The following SGMS1 variants were observed in gnomAD, a reference collection of about 807,000 sequenced individuals.
The protein encoded by SGMS1 is sphingomyelin synthase 1.
Under a neutral mutation model 46.2 loss-of-function variants are expected in SGMS1, and 13 were observed. The ratio of observed to expected loss-of-function variants is 0.28; its 90% CI spans 0.18 to 0.45. The LOEUF (loss-of-function observed/expected upper bound fraction) is 0.45. SGMS1 is among the 20% of genes least tolerant of loss of function. The pLI is 1.00. For synonymous variants in SGMS1, 203 were observed against 187.8 expected (o/e 1.08, Z -0.66); for missense variants, 324 against 519.9 (o/e 0.62, Z 3.66).
intron 2 of SGMS1, among the ~76,000 whole-genome samples, chr10:50,530,602 A>C (rs1193698171): frequency 6.6e-6 from 1 of 151,922 alleles, no homozygotes; most frequent in Non-Finnish European, 1.5e-5. Flanking sequence ...CTCCCGCCTC[A>C]GCCTCCCAAG....
intron 6 of SGMS1, among the ~76,000 whole-genome samples, chr10:50,407,836 G>A (rs1004088383): frequency 4.6e-5 from 7 of 152,040 alleles, no homozygotes; most frequent in Admixed American, 3.9e-4. Flanking sequence ...GAAATATTTT[G>A]ATTTATAGAG....
chr10:50,353,769 A>C (rs1189660426), intron 6 of SGMS1, among the ~76,000 whole-genome samples: 2 of 152,278 alleles, frequency 1.3e-5, no homozygotes, highest in Non-Finnish European at 2.9e-5. Flanking sequence ...ATGTGCAAAA[A>C]TCACAAGCAT....
intron 2 of SGMS1, among the ~76,000 whole-genome samples, chr10:50,522,126 A>G (rs1400338081): frequency 1.3e-5 from 2 of 152,152 alleles, no homozygotes; most frequent in Non-Finnish European, 2.9e-5. Flanking sequence ...GTTTACCAAT[A>G]TATCTATTTA....
intron 8 of SGMS1, among the ~76,000 whole-genome samples, chr10:50,326,893 G>C (rs572769681): frequency 6.6e-6 from 1 of 152,262 alleles, no homozygotes; most frequent in South Asian, 2.1e-4. Context: ...CTCCGAGGGA[G>C]AGGAAGCATA....
intron 3 of SGMS1, among the ~76,000 whole-genome samples, chr10:50,469,645 A>G (rs979956728): frequency 3.9e-5 from 6 of 152,192 alleles, no homozygotes; most frequent in African/African-American, 1.4e-4. Flanking sequence ...GTCTTTGTAG[A>G]CATTAACCTA....
At chr10:50,403,675 G>C (rs568358938) in intron 6 of SGMS1, among the ~76,000 whole-genome samples, 6 of 151,346 alleles carry the variant, frequency 4.0e-5, no homozygotes, top group African/African-American at 1.5e-4. Flanking sequence ...TTGTTCATAA[G>C]CTCACCTGCT....
intron 1 of SGMS1, among the ~76,000 whole-genome samples, chr10:50,617,349 C>T (rs1200783829): frequency 6.6e-6 from 1 of 152,100 alleles, no homozygotes; most frequent in Non-Finnish European, 1.5e-5. Flanking sequence ...GGTCCATTTA[C>T]ATAAAATTCT....
chr10:50,561,362 T>C (rs556363651), intron 2 of SGMS1, among the ~76,000 whole-genome samples: 1 of 152,326 alleles, frequency 6.6e-6, no homozygotes, highest in African/African-American at 2.4e-5. Flanking sequence ...TAGTATCAAC[T>C]GGCAGAGCAT....
At chr10:50,523,496 A>T (rs1313248351) in intron 2 of SGMS1, among the ~76,000 whole-genome samples, 1 of 152,256 alleles carries the variant, frequency 6.6e-6, no homozygotes, top group African/African-American at 2.4e-5. Context: ...TCAGATAGCC[A>T]GCTGGCTATC....
chr10:50,345,754 C>A (rs185532246), intron 6 of SGMS1, among the ~76,000 whole-genome samples: 2 of 152,236 alleles, frequency 1.3e-5, no homozygotes, highest in African/African-American at 4.8e-5. Flanking sequence ...CAACTGAGTG[C>A]ATTCTGGAAA....
At chr10:50,572,743 G>A (rs1838346964) in intron 2 of SGMS1, among the ~76,000 whole-genome samples, 1 of 152,110 alleles carries the variant, frequency 6.6e-6, no homozygotes, top group Non-Finnish European at 1.5e-5. Flanking sequence ...CACATAAATT[G>A]TGAGTGCCTA....
intron 3 of SGMS1, among the ~76,000 whole-genome samples, chr10:50,515,558 C>A (rs1837793990): frequency 1.3e-5 from 2 of 152,244 alleles, no homozygotes; most frequent in African/African-American, 4.8e-5. Flanking sequence ...AATGAGATGT[C>A]TTTCCCTTTG....
intron 3 of SGMS1, among the ~76,000 whole-genome samples, chr10:50,499,618 A>G (rs1309520014): frequency 6.6e-6 from 1 of 152,224 alleles, no homozygotes; most frequent in African/African-American, 2.4e-5. Context: ...TCCCAAAGGC[A>G]GGATATTCAG....
chr10:50,362,905 G>A (rs1848272987), intron 6 of SGMS1, among the ~76,000 whole-genome samples: 1 of 152,114 alleles, frequency 6.6e-6, no homozygotes, highest in South Asian at 2.1e-4. Context: ...AGAAGAGAGA[G>A]CAACATGTTA....
intron 6 of SGMS1, among the ~76,000 whole-genome samples, chr10:50,361,777 C>T (rs1848253343): frequency 6.6e-6 from 1 of 152,226 alleles, no homozygotes; most frequent in Admixed American, 6.5e-5. Flanking sequence ...ATAATCTGAT[C>T]TCTTCACTTG....
At chr10:50,355,813 C>T (rs917293036) in intron 6 of SGMS1, among the ~76,000 whole-genome samples, 10 of 151,874 alleles carry the variant, frequency 6.6e-5, no homozygotes, top group African/African-American at 2.2e-4. Context: ...GCCGTCATCC[C>T]GTCTAGGATG....
At chr10:50,574,961 G>GTATATATATATATATATATATATATA (rs1491469065) in intron 2 of SGMS1, among the ~76,000 whole-genome samples, 584 of 44,872 alleles carry the variant, frequency 0.013, 47 homozygotes, top group Non-Finnish European at 0.018. Context: ...GGAAAATGTG[G>GTATATATATATATATATATATATATA]TGTATATATA....
At chr10:50,467,863 T>G (rs1837344370) in intron 3 of SGMS1, among the ~76,000 whole-genome samples, 1 of 152,120 alleles carries the variant, frequency 6.6e-6, no homozygotes, top group Non-Finnish European at 1.5e-5. Context: ...TTTTGGCTGA[T>G]TAGTTGATTG....
intron 6 of SGMS1, among the ~76,000 whole-genome samples, chr10:50,406,701 A>C (rs1437380290): frequency 1.8e-5 from 1 of 55,482 alleles, no homozygotes; most frequent in Non-Finnish European, 3.2e-5. Flanking sequence ...TATAGCTATA[A>C]TTCTTTTTTT....
Sources: allele counts gnomAD v4.1 joint callset (sites outside exome capture counted in the v4.1 genomes callset), GRCh38; gene constraint gnomAD v4.1.1; transcripts MANE v1.5; gene names NCBI Gene and HGNC (gene_info 2026-07-23, HGNC 2026-07-21).